The following C19orf47 variants were observed in gnomAD, a reference collection of about 807,000 sequenced individuals.
C19orf47 encodes uncharacterized protein C19orf47.
C19orf47 carries 18 observed loss-of-function variants against 32.3 expected under a neutral mutation model. The ratio of observed to expected loss-of-function variants is 0.56; its 90% CI spans 0.39 to 0.83. The LOEUF is 0.83. C19orf47 is among the 40% of genes least tolerant of loss of function. C19orf47 has a pLI of 0.00. For missense variants in C19orf47, 484 were observed against 531.6 expected (o/e 0.91, Z 0.88); for synonymous variants, 202 against 211.1 (o/e 0.96, Z 0.37).
chr19:40,336,033 G>A, intron 4 of C19orf47, 77 bp downstream of exon 4: 2 of 1,338,770 alleles, frequency 1.5e-6, no homozygotes, highest in East Asian at 2.4e-5. Context: ...CTGCTGCCAG[G>A]CCTCCCATTG....
At chr19:40,342,602 T>C (rs149760084) in intron 1 of C19orf47, among the ~76,000 whole-genome samples, 400 of 152,186 alleles carry the variant, frequency 2.6e-3, no homozygotes, top group Non-Finnish European at 4.4e-3. Flanking sequence ...ACAGTTAATA[T>C]AGTACGTTAG....
intron 4 of C19orf47, among the ~76,000 whole-genome samples, chr19:40,335,696 G>A (rs10423896): frequency 0.19 from 28,192 of 149,896 alleles, 2,994 homozygotes; most frequent in African/African-American, 0.28. Flanking sequence ...TGCAAGCTCC[G>A]CCACCCACGT....
intron 8 of C19orf47, 88 bp from the exon 9 acceptor site, chr19:40,322,464 G>A (rs1328469818): frequency 2.1e-6 from 3 of 1,403,640 alleles, no homozygotes; most frequent in Admixed American, 2.7e-5. Context: ...CTGGCCTCCT[G>A]GGACTCACAG....
the C19orf47 span, among the ~76,000 whole-genome samples, chr19:40,313,420 G>T: frequency 6.6e-6 from 1 of 152,026 alleles, no homozygotes; most frequent in Non-Finnish European, 1.5e-5. Flanking sequence ...TACCTGTTGC[G>T]CTCAAGTGAT....
chr19:40,294,963 C>G, the C19orf47 span, among the ~76,000 whole-genome samples: 2 of 152,234 alleles, frequency 1.3e-5, no homozygotes, highest in Admixed American at 1.3e-4. Flanking sequence ...CAGTGAGTGT[C>G]ATGAGACACC....
the C19orf47 span, among the ~76,000 whole-genome samples, chr19:40,305,385 A>C: frequency 6.6e-6 from 1 of 152,130 alleles, no homozygotes; most frequent in African/African-American, 2.4e-5. Flanking sequence ...AAATCCTTAC[A>C]ACACAGCCTC....
At chr19:40,329,182 G>A (rs1156580386) in intron 5 of C19orf47, among the ~76,000 whole-genome samples, 1 of 152,008 alleles carries the variant, frequency 6.6e-6, no homozygotes, top group Non-Finnish European at 1.5e-5. Context: ...CGAGGAGGCT[G>A]TGTCTGTTTA....
chr19:40,329,644 C>T (rs550970634), intron 5 of C19orf47, among the ~76,000 whole-genome samples: 108 of 152,178 alleles, frequency 7.1e-4, no homozygotes, highest in Non-Finnish European at 1.2e-3. Flanking sequence ...CCTTCCCTAT[C>T]AGACCTCCTC....
intron 5 of C19orf47, 24 bp downstream of exon 5, chr19:40,333,827 G>C: frequency 1.3e-6 from 2 of 1,517,646 alleles, no homozygotes; most frequent in African/African-American, 1.4e-5. Context: ...TCAAGGAAAA[G>C]AGGCCTGAAT....
At chr19:40,330,540 CTTTTT>C (rs398034615) in intron 5 of C19orf47, among the ~76,000 whole-genome samples, 3 of 64,598 alleles carry the variant, frequency 4.6e-5, no homozygotes, top group South Asian at 7.5e-4. Flanking sequence ...ACCCGGCCCT[CTTTTT>C]TTTTTTTTTT....
At chr19:40,326,707 C>A (rs1049681902) in intron 6 of C19orf47, among the ~76,000 whole-genome samples, 2 of 152,250 alleles carry the variant, frequency 1.3e-5, no homozygotes, top group African/African-American at 4.8e-5. Flanking sequence ...GGCAGGCCTC[C>A]CAGGCTTTCT....
the C19orf47 span, among the ~76,000 whole-genome samples, chr19:40,312,318 C>A: frequency 6.6e-6 from 1 of 152,050 alleles, no homozygotes; most frequent in Admixed American, 6.6e-5. Flanking sequence ...GAGGCCGAGG[C>A]GGTCGGATCA....
At chr19:40,305,774 T>C in the C19orf47 span, among the ~76,000 whole-genome samples, 1 of 152,170 alleles carries the variant, frequency 6.6e-6, no homozygotes, top group Non-Finnish European at 1.5e-5. Flanking sequence ...ATTGATGAAA[T>C]TGGAACATGA....
At chr19:40,319,162 A>G (rs1053186867), downstream of C19orf47, among the ~76,000 whole-genome samples, 2 of 151,724 alleles carry the variant, frequency 1.3e-5, no homozygotes, top group African/African-American at 4.8e-5. Context: ...CCCAGCTACC[A>G]GGGAGGCTGA....
chr19:40,294,165 T>C, the C19orf47 span, among the ~76,000 whole-genome samples: 1 of 152,080 alleles, frequency 6.6e-6, no homozygotes. Flanking sequence ...CCCTTCGAGT[T>C]TCTGGTGCCC....
chr19:40,327,096 C>G (rs1445157312), intron 6 of C19orf47, among the ~76,000 whole-genome samples: 1 of 151,060 alleles, frequency 6.6e-6, no homozygotes, highest in Non-Finnish European at 1.5e-5. Context: ...TCACTACAAC[C>G]TCTGCCTCCT....
Position 40,326,491 on chromosome 19 carries a change from G to A in C19orf47, c.440-5C>T. 1 of 1,611,758 alleles carries A rather than the reference G, an allele frequency of 6.2e-7. No homozygotes were observed. Among genetic ancestry groups the A allele is most frequent in the Non-Finnish European group, 8.5e-7 (1 of 1,179,902 alleles). On this transcript the variant is annotated splice_polypyrimidine_tract_variant and splice_region_variant and intron_variant, in intron 6 of 8. Coordinates refer to ENST00000683109, the MANE Select transcript of C19orf47 (RefSeq NM_001256441.2). ...CCTCCCGGCGGGCCAGGGCTGCTGG[G>A]GGAAGAAAGCAGGGGTATCAGCACT...
chr19:40,308,003 G>A, the C19orf47 span, among the ~76,000 whole-genome samples: 3 of 151,690 alleles, frequency 2.0e-5, no homozygotes, highest in South Asian at 4.1e-4. Flanking sequence ...ACTGAAGAGA[G>A]GTTGAGTAAC....
intron 1 of C19orf47, among the ~76,000 whole-genome samples, chr19:40,345,568 G>A (rs917053536): frequency 6.0e-5 from 9 of 150,352 alleles, no homozygotes; most frequent in Admixed American, 1.3e-4. Flanking sequence ...AAAACTGGGC[G>A]TGGTGGCTCA....
Sources: gnomAD v4.1 joint callset for allele counts (sites outside exome capture counted in the v4.1 genomes callset) on GRCh38, gnomAD v4.1.1 for gene constraint, MANE v1.5 for transcripts, NCBI Gene and HGNC (gene_info 2026-07-23, HGNC 2026-07-21) for gene names.